Variants in SCN9A observed in about 807,000 individuals in gnomAD.
The protein encoded by SCN9A is sodium voltage-gated channel alpha subunit 9.
In SCN9A, 131 loss-of-function variants were observed where a neutral mutation model predicts 187.0. The observed-to-expected ratio is 0.70, with a 90% confidence interval of 0.61 to 0.81. SCN9A has a LOEUF of 0.81. Ranked by LOEUF, SCN9A falls within the 30% of genes least tolerant of loss-of-function variation. The pLI, the probability that SCN9A is intolerant of heterozygous loss-of-function variation, is 0.00. For missense variants in SCN9A, 2,252 were observed against 2,396.6 expected, an observed-to-expected ratio of 0.94 and a Z score of 1.26; for synonymous variants, 809 against 808.6, an observed-to-expected ratio of 1.00 and a Z score of -0.01.
At chr2:166,222,584 C>T (rs563143213) in intron 24 of SCN9A, among the ~76,000 whole-genome samples, 13 of 151,316 alleles carry the variant, frequency 8.6e-5, no homozygotes, top group South Asian at 6.3e-4. Flanking sequence ...GCTGAGATCG[C>T]GCCACTGCAC....
intron 1 of SCN9A, among the ~76,000 whole-genome samples, chr2:166,362,884 A>C (rs1700322097): frequency 6.6e-6 from 1 of 152,038 alleles, no homozygotes; most frequent in Non-Finnish European, 1.5e-5. Context: ...TAACTGATGA[A>C]TTGACCTGTT....
At chr2:166,216,827 T>C (rs968319063) in intron 24 of SCN9A, among the ~76,000 whole-genome samples, 5 of 152,060 alleles carry the variant, frequency 3.3e-5, no homozygotes, top group Non-Finnish European at 7.4e-5. Context: ...AATCTACAGA[T>C]TCAATGCAAT....
chr2:166,250,132 C>G (rs757953862), intron 18 of SCN9A, among the ~76,000 whole-genome samples: 9 of 152,090 alleles, frequency 5.9e-5, no homozygotes, highest in Admixed American at 1.3e-4. Context: ...TCCATGCACT[C>G]TTTGTAGTTT....
At chr2:166,320,481 T>A (rs1305135214) in intron 1 of SCN9A, among the ~76,000 whole-genome samples, 3 of 152,162 alleles carry the variant, frequency 2.0e-5, no homozygotes, top group Non-Finnish European at 4.4e-5. Context: ...TTTTTATTAA[T>A]ATTTCTTCTT....
chr2:166,272,670 G>A lies in SCN9A; in HGVS notation c.3080C>T (p.Ala1027Val), dbSNP rs1574844017. 6.2e-7 allele frequency: 1 copy of A among 1,611,636 alleles called. No individual in the cohort carries two copies. Residue 1027 changes from alanine to valine, a missense_variant, in exon 17 of 27, where the codon GCA becomes GTA. Ala to Val is a moderately conservative substitution (Grantham distance 64, BLOSUM62 0). Coordinates refer to ENST00000642356, the MANE Select transcript of SCN9A (RefSeq NM_001365536.1). ...TTCCTTCTTAGTATTCAGATCTTCT[G>A]CTTGTCTTATCTCCCTGGAAATCTT... is the stretch of plus-strand genomic sequence containing the variant. The part of the protein sequence containing the change: ...KPKISREIRQ[A>V]EDLNTKKENY...
At chr2:166,236,430 A>AT (rs1241665880) in intron 20 of SCN9A, among the ~76,000 whole-genome samples, 1 of 149,722 alleles carries the variant, frequency 6.7e-6, no homozygotes. Flanking sequence ...AATTATTATT[A>AT]TTTTTTTTGA....
chr2:166,346,185 C>G (rs1699896963), intron 1 of SCN9A, among the ~76,000 whole-genome samples: 1 of 152,176 alleles, frequency 6.6e-6, no homozygotes, highest in Non-Finnish European at 1.5e-5. Context: ...CCACTATCCC[C>G]TTTCCCCTGC....
chr2:166,257,391 T>G (rs923010173), intron 17 of SCN9A, among the ~76,000 whole-genome samples: 2 of 151,644 alleles, frequency 1.3e-5, no homozygotes, highest in Non-Finnish European at 3.0e-5. Context: ...CTGAATCATT[T>G]CTGTTAACTA....
Position 166,197,360 on chromosome 2 carries a change from G to A in SCN9A, c.*1312C>T, listed in dbSNP as rs1163098019. 2 of 152,150 alleles carry A rather than the reference G, an allele frequency of 1.3e-5. No individual in the cohort carries two copies. Among genetic ancestry groups the A allele is most frequent in the East Asian group, 3.8e-4 (2 of 5,200 alleles). 9.4% of individuals were successfully genotyped at this position (152,150 alleles called of 1,614,324 possible). On this transcript the variant is annotated 3_prime_UTR_variant, in exon 27 of 27. Coordinates refer to ENST00000642356, the MANE Select transcript of SCN9A (RefSeq NM_001365536.1). Reference sequence around the variant, plus strand: ...ATAAATTAGAAGCCCATGGTACTGTGTTGATTGAGGCAAAATATATTTCAC... The same window carrying A: ...ATAAATTAGAAGCCCATGGTACTGTATTGATTGAGGCAAAATATATTTCAC...
chr2:166,211,578 T>A (rs114885680), intron 24 of SCN9A, among the ~76,000 whole-genome samples: 2,246 of 151,966 alleles, frequency 0.015, 48 homozygotes, highest in African/African-American at 0.051. Flanking sequence ...TAAGAATAAC[T>A]AAAATTACAA....
At chr2:166,235,860 C>T (rs1189939727) in intron 20 of SCN9A, among the ~76,000 whole-genome samples, 4 of 146,002 alleles carry the variant, frequency 2.7e-5, no homozygotes, top group Non-Finnish European at 4.4e-5. Context: ...TTACATACCC[C>T]TGAACAGGAG....
At chr2:166,257,839 C>G (rs150040695) in intron 17 of SCN9A, among the ~76,000 whole-genome samples, 3,186 of 151,424 alleles carry the variant, frequency 0.021, 57 homozygotes, top group Non-Finnish European at 0.031. Context: ...AGAAAATTCA[C>G]CATATTCTGG....
At chr2:166,323,951 TATG>T (rs1311316946) in intron 1 of SCN9A, among the ~76,000 whole-genome samples, 5 of 151,354 alleles carry the variant, frequency 3.3e-5, no homozygotes, top group African/African-American at 4.9e-5. Context: ...TTAGAGGGAC[TATG>T]ATATGACATT....
intron 1 of SCN9A, among the ~76,000 whole-genome samples, chr2:166,330,407 A>G (rs1289364975): frequency 6.6e-6 from 1 of 152,178 alleles, no homozygotes; most frequent in Non-Finnish European, 1.5e-5. Flanking sequence ...TCTAATTTAC[A>G]TACATTTTCT....
At chr2:166,295,363 G>C (rs1698252452) in intron 7 of SCN9A, among the ~76,000 whole-genome samples, 1 of 152,312 alleles carries the variant, frequency 6.6e-6, no homozygotes, top group East Asian at 1.9e-4. Flanking sequence ...GATACATTCT[G>C]AGAAATGCAT....
At position 166,368,601 on chromosome 2, in the gene SCN9A, C is replaced by T. The variant is rs541702079; in HGVS notation, c.-51+7096G>A. On this transcript the variant is annotated intron_variant, in intron 1 of 26. Coordinates refer to ENST00000642356, the MANE Select transcript of SCN9A (RefSeq NM_001365536.1). ...CGAGCCAACATCGTACCACTGCACT[C>T]CAGCCTGGGCAACAGAGTGAAACCG... is the stretch of plus-strand genomic sequence containing the variant. Among the ~76,000 whole-genome samples, 208 of 151,258 alleles carry T rather than the reference C, an allele frequency of 1.4e-3. 1 individual carries two copies. Among genetic ancestry groups the T allele is most frequent in the Middle Eastern group, 0.014 (4 of 292 alleles).
At chr2:166,240,904 G>C (rs777344991) in intron 19 of SCN9A, among the ~76,000 whole-genome samples, 1 of 152,102 alleles carries the variant, frequency 6.6e-6, no homozygotes, top group Non-Finnish European at 1.5e-5. Flanking sequence ...CATTCCCTAA[G>C]CTCAGTGTTC....
At chr2:166,309,020 G>T (rs2106530876) in intron 2 of SCN9A, among the ~76,000 whole-genome samples, 1 of 151,412 alleles carries the variant, frequency 6.6e-6, no homozygotes, top group African/African-American at 2.4e-5. Flanking sequence ...TAAGGCATGA[G>T]TTTTGTATTC....
intron 1 of SCN9A, among the ~76,000 whole-genome samples, chr2:166,343,367 T>A (rs1699829180): frequency 6.6e-6 from 1 of 152,046 alleles, no homozygotes; most frequent in Non-Finnish European, 1.5e-5. Context: ...TTTTGATTGA[T>A]ACAAAATACT....
Sources: gnomAD v4.1 joint callset for allele counts (sites outside exome capture counted in the v4.1 genomes callset) on GRCh38, gnomAD v4.1.1 for gene constraint, MANE v1.5 for transcripts, NCBI Gene and HGNC (gene_info 2026-07-23, HGNC 2026-07-21) for gene names.